The following IQSEC1 variants were observed in gnomAD, a reference collection of about 807,000 sequenced individuals.
IQSEC1 encodes IQ motif and Sec7 domain ArfGEF 1, also known as IQ motif and SEC7 domain-containing protein 1.
In IQSEC1, 31 loss-of-function variants were observed where a neutral mutation model predicts 91.0. That is an observed-to-expected ratio of 0.34 (90% confidence interval 0.26 to 0.46). The LOEUF (loss-of-function observed/expected upper bound fraction) is 0.46. Ranked by LOEUF, IQSEC1 falls within the 20% of genes least tolerant of loss-of-function variation. The probability of loss-of-function intolerance (pLI) is 1.00; values close to 1 mark genes in which losing one functional copy is unlikely to be tolerated. For missense variants in IQSEC1, 1,388 were observed against 1,575.6 expected (o/e 0.88, Z 2.02); for synonymous variants, 699 against 662.6 (o/e 1.05, Z -0.84).
At chr3:12,995,568 C>G (rs1250793858) in intron 1 of IQSEC1, among the ~76,000 whole-genome samples, 1 of 152,230 alleles carries the variant, frequency 6.6e-6, no homozygotes, top group Non-Finnish European at 1.5e-5. Context: ...AAGGGGTGAG[C>G]TGGGATTTGA....
intron 2 of IQSEC1, among the ~76,000 whole-genome samples, chr3:13,123,391 G>A (rs1170933148): frequency 6.6e-6 from 1 of 152,260 alleles, no homozygotes; most frequent in East Asian, 1.9e-4. Flanking sequence ...GCGGAGTCAG[G>A]TCTTTCCGGT....
At chr3:13,111,476 A>G (rs756198725) in intron 2 of IQSEC1, among the ~76,000 whole-genome samples, 5 of 152,196 alleles carry the variant, frequency 3.3e-5, no homozygotes, top group Non-Finnish European at 5.9e-5. Context: ...AGGCCCTCCA[A>G]GAGTCTGTAC....
At chr3:13,004,502 T>A (rs1702551616) in intron 1 of IQSEC1, among the ~76,000 whole-genome samples, 1 of 152,108 alleles carries the variant, frequency 6.6e-6, no homozygotes, top group South Asian at 2.1e-4. Context: ...GGGATTTGTG[T>A]CTGAATCACC....
intron 1 of IQSEC1, among the ~76,000 whole-genome samples, chr3:12,962,770 C>T (rs1700321887): frequency 6.6e-6 from 1 of 152,228 alleles, no homozygotes; most frequent in South Asian, 2.1e-4. Context: ...GACACTGTCC[C>T]AGAATCCTGC....
chr3:12,929,486 A>G (rs1697470128), intron 3 of IQSEC1, among the ~76,000 whole-genome samples: 1 of 152,204 alleles, frequency 6.6e-6, no homozygotes, highest in Non-Finnish European at 1.5e-5. Context: ...CTTGACAGGT[A>G]ACAAAATGGG....
chr3:13,084,994 A>G (rs1015412258), intron 2 of IQSEC1, among the ~76,000 whole-genome samples: 2 of 152,186 alleles, frequency 1.3e-5, no homozygotes, highest in Admixed American at 6.5e-5. Flanking sequence ...CTAGCCCCCA[A>G]GTCCTTGGGT....
chr3:13,186,088 G>A (rs1693925998), intron 1 of IQSEC1, among the ~76,000 whole-genome samples: 1 of 152,238 alleles, frequency 6.6e-6, no homozygotes, highest in Non-Finnish European at 1.5e-5. Context: ...ACCAGTGGGA[G>A]TGAGTTCACT....
chr3:13,197,752 C>G (rs1437785675), intron 1 of IQSEC1, among the ~76,000 whole-genome samples: 1 of 152,158 alleles, frequency 6.6e-6, no homozygotes, highest in Non-Finnish European at 1.5e-5. Context: ...GAAGTGTGCC[C>G]CGTTCACAGG....
At chr3:12,941,917 C>A in intron 1 of IQSEC1, 52 bp from the exon 2 acceptor site, 1 of 1,482,874 alleles carries the variant, frequency 6.7e-7, no homozygotes, top group Non-Finnish European at 9.0e-7. Context: ...AATCTGAACA[C>A]GACACCGGGC....
chr3:13,043,050 G>A (rs979146009), intron 1 of IQSEC1, among the ~76,000 whole-genome samples: 1 of 152,200 alleles, frequency 6.6e-6, no homozygotes, highest in Non-Finnish European at 1.5e-5. Context: ...GGGTCGCCCA[G>A]CGCCTGCCGT....
rs758755428 is a variant in IQSEC1 at position 12,908,235 on chromosome 3, C to G, written c.2755+114G>C. On this transcript the variant is annotated intron_variant, in intron 12 of 13. Transcript: ENST00000613206. This position sits in a 1 kb window ranked among gnomAD's most constrained non-coding sequence, Gnocchi z 4.9. Reference sequence around the variant, plus strand: ...CTTTGCGGAAGGTCAGGGGAAATGCCGCACTGGCTTCGCCGCAGGCCCTGC... The same window carrying G: ...CTTTGCGGAAGGTCAGGGGAAATGCGGCACTGGCTTCGCCGCAGGCCCTGC... The G allele has an allele frequency of 2.7e-6, 3 of 1,113,012 alleles. No individual in the cohort carries two copies. Among genetic ancestry groups the G allele is most frequent in the African/African-American group, 1.6e-5 (1 of 64,454 alleles). 68.9% of individuals were successfully genotyped at this position (1,113,012 alleles called of 1,614,324 possible). A position where few individuals can be genotyped will look rare whatever the true frequency, so the allele number is the denominator to read the frequency against.
In IQSEC1 at chr3:12,901,239, T is replaced by A; in HGVS notation, c.3089A>T (p.Gln1030Leu). The A allele has an allele frequency of 6.5e-7, 1 of 1,547,360 alleles. No individual in the cohort carries two copies. The highest frequency in any genetic ancestry group is 1.2e-5 in the South Asian group (1 of 83,900). Reference sequence around the variant, plus strand: ...GGGAGGGTTCTGCATGTGGCAGTACTGGGTGTGATGCCCGTGCATGGCGGC... The same window carrying A: ...GGGAGGGTTCTGCATGTGGCAGTACAGGGTGTGATGCCCGTGCATGGCGGC... ...PQAAMHGHHT[Q>L]YCHMQNPPPY... Residue 1030 changes from glutamine (Q) to leucine (L), a missense_variant, in exon 14 of 14, where the codon CAG becomes CTG. Gln to Leu is a moderately radical substitution (Grantham distance 113). Transcript: ENST00000613206.
chr3:13,208,117 G>A (rs1350687641), intron 1 of IQSEC1, among the ~76,000 whole-genome samples: 1 of 151,086 alleles, frequency 6.6e-6, no homozygotes, highest in African/African-American at 2.4e-5. Context: ...ACTTGGGTGG[G>A]TGGGTGGCCA....
Position 12,937,548 on chromosome 3 carries a change from C to T in IQSEC1, c.319-851G>A, listed in dbSNP as rs1176672488. On this transcript the variant is annotated intron_variant, in intron 2 of 13. Transcript: ENST00000613206. ...TGAGGCCAGGTGCCTGAGTTCTAAT[C>T]CAGGCTATGCCCCTTGGTAGCTGGG... Among the ~76,000 whole-genome samples, 5 of 152,216 alleles carry T rather than the reference C, an allele frequency of 3.3e-5. No homozygotes were observed. In the South Asian group the frequency reaches 1.0e-3, roughly 32 times the overall value.
chr3:13,222,649 G>A (rs114794072), intron 1 of IQSEC1, among the ~76,000 whole-genome samples: 332 of 152,292 alleles, frequency 2.2e-3, no homozygotes, highest in African/African-American at 7.3e-3. Context: ...ATGGCCTCTC[G>A]CAGCAGACGC....
chr3:12,950,557 G>A (rs917598211), intron 1 of IQSEC1, among the ~76,000 whole-genome samples: 2 of 151,998 alleles, frequency 1.3e-5, no homozygotes, highest in Admixed American at 6.5e-5. Context: ...CTGTAGTCCC[G>A]GTGCTTTCGG....
intron 5 of IQSEC1, among the ~76,000 whole-genome samples, chr3:12,921,137 C>G (rs1171345367): frequency 1.3e-5 from 2 of 152,194 alleles, no homozygotes; most frequent in African/African-American, 4.8e-5. Context: ...AGCCCGCTTG[C>G]CACTCCCGCT....
At chr3:12,941,442 G>C (rs1174588052) in intron 2 of IQSEC1, 129 bp downstream of exon 2, 5 of 940,122 alleles carry the variant, frequency 5.3e-6, no homozygotes, top group Non-Finnish European at 3.1e-6. Flanking sequence ...AGAGCCCTCA[G>C]CCTTAGCCCA....
intron 1 of IQSEC1, among the ~76,000 whole-genome samples, chr3:13,058,269 T>C (rs1704946211): frequency 6.6e-6 from 1 of 151,940 alleles, no homozygotes; most frequent in Non-Finnish European, 1.5e-5. Context: ...GGAGACTCTG[T>C]CTCAAAAAAA....
Sources: gnomAD v4.1 joint callset for allele counts (sites outside exome capture counted in the v4.1 genomes callset) on GRCh38, gnomAD v4.1.1 for gene constraint, Gnocchi (gnomAD v3.1) non-coding constraint, MANE v1.5 for transcripts, NCBI Gene and HGNC (gene_info 2026-07-23, HGNC 2026-07-21) for gene names.